The following DUSP10 variants were observed in gnomAD, a reference collection of about 807,000 sequenced individuals.
DUSP10 encodes dual specificity phosphatase 10, also known as dual specificity protein phosphatase 10.
A neutral mutation model predicts 30.8 loss-of-function variants in DUSP10; 14 were observed. That is an observed-to-expected ratio of 0.46 (90% confidence interval 0.30 to 0.71). The LOEUF is 0.71. Among genes scored for constraint, DUSP10 ranks in the 30% least tolerant of loss-of-function variants. DUSP10 has a pLI of 0.08. For missense variants in DUSP10, 550 were observed against 619.4 expected (o/e 0.89, Z 1.19); for synonymous variants, 254 against 250.4 (o/e 1.01, Z -0.14).
At chr1:221,717,652 G>T (rs890032167) in intron 2 of DUSP10, among the ~76,000 whole-genome samples, 1 of 152,030 alleles carries the variant, frequency 6.6e-6, no homozygotes, top group Non-Finnish European at 1.5e-5. Context: ...AATCCCCAGC[G>T]TGAGGTCATG....
chr1:221,718,125 G>T, intron 2 of DUSP10, among the ~76,000 whole-genome samples: 1 of 94,398 alleles, frequency 1.1e-5, no homozygotes, highest in Non-Finnish European at 2.2e-5. Flanking sequence ...GGGGGCGGGG[G>T]CTGCAGGGGG....
In DUSP10 at chr1:221,739,264, T is replaced by C; in HGVS notation, c.481A>G (p.Lys161Glu). ...CTCGGCAGGTGACTCTTGCTGCATT[T>C]GGTCATCTTCTTTGCCAAGTCATTG... ...YPNDLAKKMTKCSKSHLPSQG... is the reference protein window; with the variant it reads ...YPNDLAKKMTECSKSHLPSQG... The change falls in exon 2 of 4, where the codon AAA becomes GAA. Residue 161 changes from lysine to glutamate, a missense_variant. Coordinates refer to ENST00000366899, the MANE Select transcript of DUSP10 (RefSeq NM_007207.6). The C allele has an allele frequency of 6.2e-7, 1 of 1,614,230 alleles. No individual in the cohort carries two copies. The highest frequency in any genetic ancestry group is 8.5e-7 in the Non-Finnish European group (1 of 1,180,044).
intron 3 of DUSP10, among the ~76,000 whole-genome samples, chr1:221,704,669 A>G (rs1660704295): frequency 6.6e-6 from 1 of 152,196 alleles, no homozygotes; most frequent in South Asian, 2.1e-4. Context: ...GTGTTGTGAA[A>G]AGGCCTCAGG....
At chr1:221,721,087 A>T (rs1282230186) in intron 2 of DUSP10, among the ~76,000 whole-genome samples, 1 of 152,258 alleles carries the variant, frequency 6.6e-6, no homozygotes, top group Non-Finnish European at 1.5e-5. Flanking sequence ...AGCTAATAAT[A>T]GTCCTAACAG....
At chr1:221,710,285 T>C (rs1236118478) in intron 2 of DUSP10, among the ~76,000 whole-genome samples, 2 of 152,170 alleles carry the variant, frequency 1.3e-5, no homozygotes, top group Non-Finnish European at 2.9e-5. Context: ...AGAAGGAGTA[T>C]TGAGGCTGGA....
chr1:221,712,777 C>CAA lies in DUSP10; in HGVS notation c.812-6313_812-6312dup, dbSNP rs58249338. ...AGACAGTGGATGATATATAAAGCAG[C>CAA]AAAAAAAAAAAAAAAAAAAAAAAGA... On this transcript the variant is annotated intron_variant, in intron 2 of 3. Coordinates refer to ENST00000366899, the MANE Select transcript of DUSP10 (RefSeq NM_007207.6). Among the ~76,000 whole-genome samples, 237 of 56,588 alleles carry CAA rather than the reference C, an allele frequency of 4.2e-3. 3 individuals are homozygous for CAA. The highest frequency in any genetic ancestry group is 8.5e-3 in the East Asian group (17 of 1,994). The allele number at this position is 56,588 out of a possible 152,430, so 37.1% of individuals were successfully genotyped here.
intron 3 of DUSP10, 101 bp downstream of exon 3, chr1:221,705,994 T>C: frequency 6.7e-7 from 1 of 1,503,128 alleles, no homozygotes; most frequent in Non-Finnish European, 8.9e-7. Context: ...AGGGCAGCTT[T>C]TCTTTTCCAA....
At chr1:221,737,864 T>C (rs1451889277) in intron 2 of DUSP10, among the ~76,000 whole-genome samples, 2 of 152,252 alleles carry the variant, frequency 1.3e-5, no homozygotes, top group Non-Finnish European at 2.9e-5. Flanking sequence ...AAATATGCAA[T>C]GTGTTCAAAC....
intron 2 of DUSP10, among the ~76,000 whole-genome samples, chr1:221,726,186 G>A (rs1013801268): frequency 1.3e-5 from 2 of 152,134 alleles, no homozygotes; most frequent in African/African-American, 2.4e-5. Flanking sequence ...GAATTGGGGG[G>A]AAAAATAAAC....
At chr1:221,719,268 G>A (rs544535679) in intron 2 of DUSP10, among the ~76,000 whole-genome samples, 27 of 152,282 alleles carry the variant, frequency 1.8e-4, no homozygotes, top group Admixed American at 1.6e-3. Flanking sequence ...TCACTGAGCT[G>A]GATTCTATGT....
At chr1:221,741,258 C>T (rs1408753956) in intron 1 of DUSP10, among the ~76,000 whole-genome samples, 2 of 152,212 alleles carry the variant, frequency 1.3e-5, no homozygotes, top group African/African-American at 4.8e-5. Flanking sequence ...GAAGCTATAA[C>T]TGTTTCCCGG....
Position 221,736,120 on chromosome 1 carries a change from C to A in DUSP10, c.811+2814G>T, listed in dbSNP as rs147033259. Among the ~76,000 whole-genome samples the A allele has an allele frequency of 5.1e-3, 774 of 152,244 alleles. 10 individuals carry two copies. The highest frequency in any genetic ancestry group is 0.017 in the African/African-American group (726 of 41,530). On this transcript the variant is annotated intron_variant, in intron 2 of 3. Transcript: ENST00000366899. Reference sequence around the variant, plus strand: ...TCCCAGGGGCTGCCATGCCTCTGATCGGTTTCTTCCCAACCTGACACAGCA... The same window carrying A: ...TCCCAGGGGCTGCCATGCCTCTGATAGGTTTCTTCCCAACCTGACACAGCA...
chr1:221,707,764 T>C (rs999447615), intron 2 of DUSP10, among the ~76,000 whole-genome samples: 1 of 152,218 alleles, frequency 6.6e-6, no homozygotes, highest in Non-Finnish European at 1.5e-5. Context: ...AAAAGAGTAG[T>C]TGCAAAAAGG....
intron 2 of DUSP10, among the ~76,000 whole-genome samples, chr1:221,717,000 C>T (rs574757283): frequency 6.6e-6 from 1 of 152,322 alleles, no homozygotes; most frequent in South Asian, 2.1e-4. Flanking sequence ...TTCCCTGCCC[C>T]TCCCCACTCC....
At chr1:221,738,378 G>A (rs1310346004) in intron 2 of DUSP10, among the ~76,000 whole-genome samples, 1 of 152,164 alleles carries the variant, frequency 6.6e-6, no homozygotes, top group Non-Finnish European at 1.5e-5. Context: ...TTTATATGGG[G>A]CCTTAGAATA....
intron 3 of DUSP10, among the ~76,000 whole-genome samples, chr1:221,704,408 C>T (rs1660696193): frequency 1.3e-5 from 2 of 151,508 alleles, no homozygotes; most frequent in Admixed American, 6.6e-5. Flanking sequence ...ACAAGTATAT[C>T]TTACCCTACT....
In DUSP10 at chr1:221,739,552, T is replaced by C; in HGVS notation, c.193A>G (p.Ser65Gly). 1.2e-6 allele frequency: 2 copies of C among 1,614,152 alleles called. No individual in the cohort carries two copies. The highest frequency in any genetic ancestry group is 1.7e-6 in the Non-Finnish European group (2 of 1,180,032). ...CAATTCAGCGAGCGGGCAGAGCCGC[T>C]GGATGAGGGCATATACGTCAGATTC... is the stretch of plus-strand genomic sequence containing the variant. Reference protein sequence around the residue: ...AANLTYMPSSSGSARSLNCGC... With the variant: ...AANLTYMPSSGGSARSLNCGC... Residue 65 changes from serine to glycine, a missense_variant, in exon 2 of 4, where the codon AGC becomes GGC. Ser to Gly is a moderately conservative substitution (Grantham distance 56, BLOSUM62 0). Transcript: ENST00000366899.
chr1:221,739,572 A>T lies in DUSP10; in HGVS notation c.173T>A (p.Leu58Gln), dbSNP rs1661888807. Residue 58 changes from leucine to glutamine, a missense_variant, in exon 2 of 4, where the codon CTG becomes CAG. Transcript: ENST00000366899. ...GCCGCTGGATGAGGGCATATACGTC[A>T]GATTCGCAGCCTTGAGGGACACAAC... The part of the protein sequence containing the change: ...TTVVSLKAAN[L>Q]TYMPSSSGSA... 2 of 1,614,090 alleles carry T rather than the reference A, an allele frequency of 1.2e-6. No individual in the cohort carries two copies. The highest frequency in any genetic ancestry group is 1.7e-6 in the Non-Finnish European group (2 of 1,180,036).
intron 3 of DUSP10, among the ~76,000 whole-genome samples, chr1:221,704,919 GT>G (rs1369746813): frequency 2.0e-5 from 3 of 151,902 alleles, no homozygotes; most frequent in Non-Finnish European, 4.4e-5. Context: ...ACCTGAGGCT[GT>G]TTTTTTCTTT....
Sources: gnomAD v4.1 joint callset for allele counts (sites outside exome capture counted in the v4.1 genomes callset) on GRCh38, gnomAD v4.1.1 for gene constraint, MANE v1.5 for transcripts, NCBI Gene and HGNC (gene_info 2026-07-23, HGNC 2026-07-21) for gene names.